SAMD4B: variants seen among roughly 807,000 people sequenced by gnomAD.
The protein encoded by SAMD4B is protein Smaug homolog 2.
In SAMD4B, 5 loss-of-function variants were observed where a neutral mutation model predicts 74.5. That is an observed-to-expected ratio of 0.07 (90% CI 0.04 to 0.14). The LOEUF is 0.14. Ranked by LOEUF, SAMD4B falls within the 10% of genes least tolerant of loss-of-function variation. The pLI is 1.00. For missense variants in SAMD4B, 608 were observed against 921.8 expected (o/e 0.66, Z 4.41); for synonymous variants, 373 against 374.9 (o/e 1.00, Z 0.06).
rs770011088 is a variant in SAMD4B, at chr19:39,383,227, T to C, written c.1992T>C (p.Pro664=). ...MFPPDCPVPG[P]DLEINPTLES... ...ACCCAGACTGCCCGGTTCCTGGGCC[T>C]GACCTGGAGATCAATCCCACTCTGG... Residue 664 remains proline, a synonymous_variant, in exon 13 of 14, where the codon CCT becomes CCC. Coordinates refer to ENST00000610417, the MANE Select transcript of SAMD4B (RefSeq NM_001384574.2). This position sits in a 1 kb window ranked among gnomAD's most constrained non-coding sequence, Gnocchi z 4.1. The C allele has an allele frequency of 2.7e-5, 43 of 1,614,028 alleles. No individual in the cohort carries two copies. Among genetic ancestry groups the C allele is most frequent in the Non-Finnish European group, 3.6e-5 (43 of 1,180,012 alleles).
chr19:39,390,048 T>C, downstream of SAMD4B: 1 of 1,592,090 alleles, frequency 6.3e-7, no homozygotes, highest in Non-Finnish European at 8.6e-7. Context: ...CCTGAGTAGT[T>C]TTCCCATTCC....
At chr19:39,379,607 G>A (rs1380314179) in intron 9 of SAMD4B, among the ~76,000 whole-genome samples, 1 of 152,200 alleles carries the variant, frequency 6.6e-6, no homozygotes, top group Non-Finnish European at 1.5e-5. Flanking sequence ...GTCTCGCTCT[G>A]TTGCCCAGGC....
Position 39,357,076 on chromosome 19 carries a change from G to A in SAMD4B, c.183G>A (p.Glu61=). 6.2e-7 allele frequency: 1 copy of A among 1,610,260 alleles called. No homozygotes were observed. Among genetic ancestry groups the A allele is most frequent in the Non-Finnish European group, 8.5e-7 (1 of 1,177,140 alleles). The change falls in exon 3 of 14, where the codon GAG becomes GAA. Residue 61 remains glutamate (E), a synonymous_variant. Coordinates refer to ENST00000610417, the MANE Select transcript of SAMD4B (RefSeq NM_001384574.2). ...ATGACATCCACCTGCTGGAGTCGGA[G>A]GCCAACAGTGCTGGTGAGTTTCCAC... The part of the protein sequence containing the change: ...DCNDIHLLES[E]ANSAAIVSQW...
rs778010290 is a variant in SAMD4B at position 39,381,134 on chromosome 19, G to C, written c.1972+21G>C. 11 of 1,572,556 alleles carry C rather than the reference G, an allele frequency of 7.0e-6. No homozygotes were observed. In the South Asian group the frequency reaches 1.1e-4, roughly 15 times the overall value. On this transcript the variant is annotated intron_variant, in intron 12 of 13. Coordinates refer to ENST00000610417, the MANE Select transcript of SAMD4B (RefSeq NM_001384574.2). Reference sequence around the variant, plus strand: ...TCCAGGTGAGGTGCCCCACCCTTGGGACTCTGCCTGGCCAACATCCTCAGC... The same window carrying C: ...TCCAGGTGAGGTGCCCCACCCTTGGCACTCTGCCTGGCCAACATCCTCAGC...
chr19:39,390,691 C>T, downstream of SAMD4B: 1 of 1,013,910 alleles, frequency 9.9e-7, no homozygotes, highest in Non-Finnish European at 1.5e-6. Context: ...TCAGAAGGAA[C>T]CCGCCCCCTT....
Position 39,384,157 on chromosome 19 carries a change from T to G in SAMD4B, c.*630T>G. On this transcript the variant is annotated 3_prime_UTR_variant, in exon 14 of 14. Coordinates refer to ENST00000610417, the MANE Select transcript of SAMD4B (RefSeq NM_001384574.2). ...CTATGATTAATTTCTTAGGCCTATT[T>G]AAGATACATATTTATATAGTTCTTA... 2 of 180,568 alleles carry G rather than the reference T, an allele frequency of 1.1e-5. No individual in the cohort carries two copies. The highest frequency in any genetic ancestry group is 1.2e-5 in the Non-Finnish European group (1 of 85,702). 11.2% of individuals were successfully genotyped at this position (180,568 alleles called of 1,614,324 possible).
intron 4 of SAMD4B, among the ~76,000 whole-genome samples, chr19:39,372,718 A>T (rs2077379518): frequency 2.6e-5 from 4 of 152,142 alleles, no homozygotes; most frequent in Admixed American, 2.6e-4. Context: ...CATTCCAGTC[A>T]GGGTAATTTC....
chr19:39,355,918 G>C (rs927678497), intron 2 of SAMD4B, among the ~76,000 whole-genome samples: 1 of 152,160 alleles, frequency 6.6e-6, no homozygotes, highest in South Asian at 2.1e-4. Context: ...GTCTTCAGGG[G>C]AATTAAGAGG....
At chr19:39,370,800 T>C (rs1163306333) in intron 4 of SAMD4B, among the ~76,000 whole-genome samples, 20 of 152,246 alleles carry the variant, frequency 1.3e-4, no homozygotes, top group Admixed American at 1.3e-3. Flanking sequence ...GGTACTCTTT[T>C]ATAGACACTT....
At chr19:39,355,521 C>T (rs2076295419) in intron 2 of SAMD4B, among the ~76,000 whole-genome samples, 1 of 152,114 alleles carries the variant, frequency 6.6e-6, no homozygotes, top group African/African-American at 2.4e-5. Context: ...AGTTCTCAGT[C>T]CGGGGAACCT....
At chr19:39,346,745 G>A (rs1414300269) in intron 1 of SAMD4B, among the ~76,000 whole-genome samples, 1 of 152,188 alleles carries the variant, frequency 6.6e-6, no homozygotes, top group African/African-American at 2.4e-5. Context: ...CAATGGGGCA[G>A]TAGTTGTTAG....
downstream of SAMD4B, chr19:39,386,146 C>T: frequency 6.2e-7 from 1 of 1,614,202 alleles, no homozygotes; most frequent in Non-Finnish European, 8.5e-7. The surrounding 1 kb of genome is among the most constrained non-coding windows in gnomAD (Gnocchi z 6.1). Flanking sequence ...CTGTCTGAAT[C>T]ATTGTCACTG....
downstream of SAMD4B, chr19:39,387,234 G>A: frequency 2.4e-6 from 1 of 413,188 alleles, no homozygotes; most frequent in Non-Finnish European, 4.9e-6. Flanking sequence ...AATACTGCAG[G>A]CAATTGTAAT....
At position 39,384,746 on chromosome 19, in the gene SAMD4B, C is replaced by G. The variant is rs945278995; in HGVS notation, c.*1219C>G. ...CTCCCTCTTCAACGCCCTCCTCCCC[C>G]TCAACCCACCTTCCCAACTGGGACA... On this transcript the variant is annotated 3_prime_UTR_variant, in exon 14 of 14. Transcript: ENST00000610417. 6 of 152,558 alleles carry G rather than the reference C, an allele frequency of 3.9e-5. No individual in the cohort carries two copies. The highest frequency in any genetic ancestry group is 1.4e-4 in the African/African-American group (6 of 41,420). 9.5% of individuals were successfully genotyped at this position (152,558 alleles called of 1,614,324 possible).
chr19:39,347,059 G>A lies in SAMD4B; in HGVS notation c.-267+4483G>A, dbSNP rs534573722. On this transcript the variant is annotated intron_variant, in intron 1 of 13. Transcript: ENST00000610417. ...GAACCTTAGCTCAAAGTGGTTTAATGAAAAAAGTGGGGGATTAATTGGCTT... is the reference window on the plus strand; with the variant it reads ...GAACCTTAGCTCAAAGTGGTTTAATAAAAAAAGTGGGGGATTAATTGGCTT... 1.3e-4 allele frequency among the ~76,000 whole-genome samples: 20 copies of A among 152,290 alleles called. No homozygotes were observed. In the South Asian group the frequency reaches 3.3e-3, roughly 25 times the overall value.
In SAMD4B at chr19:39,380,664, T is replaced by A; in HGVS notation, c.1727T>A (p.Phe576Tyr). ...MGVARRTQRQFPMPPRALPPG... is the reference protein window; with the variant it reads ...MGVARRTQRQYPMPPRALPPG... ...GTGGCCCGGCGTACCCAGCGGCAGTTCCCAATGCCTCCCCGGGCCCTCCCA... is the reference window on the plus strand; with the variant it reads ...GTGGCCCGGCGTACCCAGCGGCAGTACCCAATGCCTCCCCGGGCCCTCCCA... The change falls in exon 11 of 14, where the codon TTC becomes TAC. Residue 576 changes from phenylalanine (F) to tyrosine (Y), a missense_variant. Physicochemically the swap from Phe to Tyr is conservative, Grantham distance 22. Coordinates refer to ENST00000610417, the MANE Select transcript of SAMD4B (RefSeq NM_001384574.2). The A allele has an allele frequency of 6.2e-7, 1 of 1,613,802 alleles. No homozygotes were observed. The highest frequency in any genetic ancestry group is 8.5e-7 in the Non-Finnish European group (1 of 1,179,942).
In SAMD4B at chr19:39,356,988, G is replaced by A; in HGVS notation, c.95G>A (p.Arg32Gln). The A allele has an allele frequency of 1.9e-6, 3 of 1,614,026 alleles. No homozygotes were observed. The highest frequency in any genetic ancestry group is 1.1e-5 in the South Asian group (1 of 91,056). Reference protein sequence around the residue: ...QTVALLSLLKRVTRTQARFLQ... With the variant: ...QTVALLSLLKQVTRTQARFLQ... ...GTGGCCCTCCTGTCACTTCTGAAAC[G>A]GGTCACCCGTACCCAGGCCCGCTTC... The change falls in exon 3 of 14, where the codon CGG becomes CAG. Residue 32 changes from arginine to glutamine, a missense_variant. By Grantham distance (43) the Arg-to-Gln change is conservative (BLOSUM62 1). Transcript: ENST00000610417.
rs959795946 is a variant in SAMD4B at position 39,385,313 on chromosome 19, C to G, written c.*1786C>G. On this transcript the variant is annotated 3_prime_UTR_variant, in exon 14 of 14. Coordinates refer to ENST00000610417, the MANE Select transcript of SAMD4B (RefSeq NM_001384574.2). The stretch of plus-strand genomic sequence containing the variant: ...GGTGTCCCTCTCATGGGACCCTCCC[C>G]TCTCCCCAGCCTGTCCTGTCTTGTT... 1.8e-5 allele frequency: 7 copies of G among 385,322 alleles called. No individual in the cohort carries two copies. The East Asian group carries it at 2.6e-4, about 14-fold the overall frequency. 23.9% of individuals were successfully genotyped at this position (385,322 alleles called of 1,614,324 possible). A position where few individuals can be genotyped will look rare whatever the true frequency, so the allele number is the denominator to read the frequency against.
intron 4 of SAMD4B, 145 bp downstream of exon 4, chr19:39,370,270 C>A: frequency 1.3e-6 from 1 of 774,334 alleles, no homozygotes; most frequent in Non-Finnish European, 2.1e-6. Context: ...AGGCTGTGAA[C>A]TGGCTTTCCC....
Sources: allele counts gnomAD v4.1 joint callset (sites outside exome capture counted in the v4.1 genomes callset), GRCh38; gene constraint gnomAD v4.1.1; non-coding constraint Gnocchi (gnomAD v3.1); transcripts MANE v1.5; gene names NCBI Gene and HGNC (gene_info 2026-07-23, HGNC 2026-07-21).